The following L3MBTL4 variants were observed in gnomAD, a reference collection of about 807,000 sequenced individuals.
L3MBTL4 encodes the protein L3MBTL histone methyl-lysine binding protein 4.
A neutral mutation model predicts 84.5 loss-of-function variants in L3MBTL4; 70 were observed. The ratio of observed to expected loss-of-function variants is 0.83; its 90% CI spans 0.68 to 1.01. The LOEUF (loss-of-function observed/expected upper bound fraction) is 1.01. Ranked by LOEUF, L3MBTL4 falls within the 50% of genes least tolerant of loss-of-function variation. The pLI is 0.00. For missense variants in L3MBTL4, 715 were observed against 754.8 expected (o/e 0.95, Z 0.62); for synonymous variants, 274 against 259.8 (o/e 1.05, Z -0.52).
rs2059990831 is a variant in L3MBTL4, at chr18:6,135,038, G to A, written c.1199+3156C>T. 6.6e-5 allele frequency among the ~76,000 whole-genome samples: 10 copies of A among 152,258 alleles called. No individual in the cohort carries two copies. The South Asian group carries it at 1.2e-3, about 19-fold the overall frequency. ...TCCATACATCTTCTTAAATCTAGGC[G>A]GAGGTTCCCAAACCTCAATCTTGAC... On this transcript the variant is annotated intron_variant, in intron 14 of 18. Coordinates refer to ENST00000317931, the MANE Select transcript of L3MBTL4 (RefSeq NM_001330559.2).
At chr18:6,008,285 C>T (rs556798355) in intron 16 of L3MBTL4, among the ~76,000 whole-genome samples, 2 of 152,260 alleles carry the variant, frequency 1.3e-5, no homozygotes, top group Admixed American at 6.5e-5. Flanking sequence ...GCTGTGACCT[C>T]GGCCTTGGCT....
At chr18:6,040,597 A>G (rs544170510) in intron 16 of L3MBTL4, among the ~76,000 whole-genome samples, 1 of 152,364 alleles carries the variant, frequency 6.6e-6, no homozygotes, top group African/African-American at 2.4e-5. Flanking sequence ...AGTGTGGGTG[A>G]TAGACAAGTA....
At chr18:6,137,573 T>A (rs2060061103) in intron 14 of L3MBTL4, among the ~76,000 whole-genome samples, 1 of 152,030 alleles carries the variant, frequency 6.6e-6, no homozygotes, top group Non-Finnish European at 1.5e-5. Context: ...ATTCTTTCAG[T>A]CTTAATTTAT....
Position 5,969,532 on chromosome 18 carries a change from A to C in L3MBTL4, c.1475T>G (p.Leu492Arg), listed in dbSNP as rs371317063. The change falls in exon 17 of 19, where the codon CTT becomes CGT. Residue 492 changes from leucine to arginine, a missense_variant. Leu to Arg is a moderately radical substitution (Grantham distance 102). Transcript: ENST00000317931. ...CGTGGACATGGACACTGACTGGTGA[A>C]GCACCTGCTGCGCCTGCTCCACCGA... ...EYSVEQAQQVLHQSVSMSTVS... is the reference protein window; with the variant it reads ...EYSVEQAQQVRHQSVSMSTVS... The C allele has an allele frequency of 7.4e-6, 12 of 1,612,008 alleles. No individual in the cohort carries two copies. Among genetic ancestry groups the C allele is most frequent in the African/African-American group, 1.3e-5 (1 of 74,894 alleles).
chr18:6,294,864 C>T (rs760354614), intron 4 of L3MBTL4, among the ~76,000 whole-genome samples: 1 of 152,050 alleles, frequency 6.6e-6, no homozygotes. Flanking sequence ...GGCATGAAGG[C>T]GTTAATAATC....
chr18:6,084,894 C>T (rs513500), intron 15 of L3MBTL4, among the ~76,000 whole-genome samples: 3 of 152,004 alleles, frequency 2.0e-5, no homozygotes, highest in Non-Finnish European at 4.4e-5. Flanking sequence ...AGGTGGAGGG[C>T]GAGTGTGGGT....
rs184130180 is a variant in L3MBTL4 at position 6,235,588 on chromosome 18, C to T, written c.784+2376G>A. ...GAAAGAAGCTAGATACAAAAGGTCA[C>T]ATATTGTATGATTCCTTTCATGTAA... On this transcript the variant is annotated intron_variant, in intron 10 of 18. Coordinates refer to ENST00000317931, the MANE Select transcript of L3MBTL4 (RefSeq NM_001330559.2). Among the ~76,000 whole-genome samples, 442 of 152,254 alleles carry T rather than the reference C, an allele frequency of 2.9e-3. 1 individual carries two copies. The highest frequency in any genetic ancestry group is 0.014 in the Middle Eastern group (4 of 294).
At chr18:6,044,548 T>G (rs2056535792) in intron 16 of L3MBTL4, among the ~76,000 whole-genome samples, 2 of 152,196 alleles carry the variant, frequency 1.3e-5, no homozygotes, top group African/African-American at 4.8e-5. Flanking sequence ...GAGGTGTTGG[T>G]GCCAGTAGCC....
chr18:6,050,456 A>G (rs1224520606), intron 16 of L3MBTL4, among the ~76,000 whole-genome samples: 1 of 152,186 alleles, frequency 6.6e-6, no homozygotes, highest in Non-Finnish European at 1.5e-5. Context: ...TAATAAATTC[A>G]CTGTGTAATT....
intron 10 of L3MBTL4, among the ~76,000 whole-genome samples, chr18:6,217,292 C>T (rs2046366159): frequency 6.6e-6 from 1 of 152,156 alleles, no homozygotes; most frequent in African/African-American, 2.4e-5. Flanking sequence ...CACCATACCA[C>T]CCTCCTCAAA....
chr18:5,968,651 C>T (rs1028506021), intron 17 of L3MBTL4, among the ~76,000 whole-genome samples: 1 of 151,948 alleles, frequency 6.6e-6, no homozygotes, highest in African/African-American at 2.4e-5. Context: ...GAGCTATGAT[C>T]ATGCCACTAC....
intron 16 of L3MBTL4, among the ~76,000 whole-genome samples, chr18:5,990,340 G>A (rs1309521926): frequency 6.6e-6 from 1 of 152,170 alleles, no homozygotes; most frequent in Non-Finnish European, 1.5e-5. Flanking sequence ...TTAACTCAAA[G>A]AAATCTATGT....
At chr18:6,159,986 A>G (rs2043255588) in intron 13 of L3MBTL4, among the ~76,000 whole-genome samples, 1 of 152,194 alleles carries the variant, frequency 6.6e-6, no homozygotes, top group Admixed American at 6.5e-5. Flanking sequence ...TTTCTGAAAG[A>G]GTGTTTAAAA....
Position 6,035,118 on chromosome 18 carries a change from A to G in L3MBTL4, c.1444+45763T>C, listed in dbSNP as rs1382835067. Among the ~76,000 whole-genome samples the G allele has an allele frequency of 2.0e-5, 3 of 150,458 alleles. 1 individual carries two copies. Among genetic ancestry groups the G allele is most frequent in the East Asian group, 3.9e-4 (2 of 5,152 alleles). ...TGGGTTGCCTGTTCACTCTGATGGT[A>G]GTTTCTTTTGCTGTGCAGAAGCTCT... is the stretch of plus-strand genomic sequence containing the variant. On this transcript the variant is annotated intron_variant, in intron 16 of 18. Coordinates refer to ENST00000317931, the MANE Select transcript of L3MBTL4 (RefSeq NM_001330559.2).
At chr18:6,333,561 G>A (rs1342777054) in intron 1 of L3MBTL4, among the ~76,000 whole-genome samples, 1 of 145,934 alleles carries the variant, frequency 6.9e-6, no homozygotes, top group African/African-American at 2.6e-5. Context: ...GCGACAAAGT[G>A]AGACTCCATC....
intron 17 of L3MBTL4, among the ~76,000 whole-genome samples, chr18:5,966,735 C>A (rs2052371091): frequency 1.3e-5 from 2 of 151,694 alleles, no homozygotes; most frequent in South Asian, 4.2e-4. Context: ...GGACTTTGCC[C>A]CAAATTTCAC....
chr18:6,242,013 A>T (rs1403115540), intron 7 of L3MBTL4, among the ~76,000 whole-genome samples: 1 of 152,010 alleles, frequency 6.6e-6, no homozygotes, highest in Non-Finnish European at 1.5e-5. Flanking sequence ...CCCATTAAAA[A>T]CTGCTGCATC....
At position 6,068,377 on chromosome 18, in the gene L3MBTL4, A is replaced by C. The variant is rs1316713847; in HGVS notation, c.1444+12504T>G. Among the ~76,000 whole-genome samples the C allele has an allele frequency of 1.3e-5, 2 of 152,198 alleles. 1 individual carries two copies. Among genetic ancestry groups the C allele is most frequent in the Admixed American group, 1.3e-4 (2 of 15,280 alleles). ...TGGGCAGAGGTCCCAGCCTTGATGAAGGTGCCTGGGGGAGCTCTAAATTAA... is the reference window on the plus strand; with the variant it reads ...TGGGCAGAGGTCCCAGCCTTGATGACGGTGCCTGGGGGAGCTCTAAATTAA... On this transcript the variant is annotated intron_variant, in intron 16 of 18. Coordinates refer to ENST00000317931, the MANE Select transcript of L3MBTL4 (RefSeq NM_001330559.2).
chr18:6,071,928 G>A (rs374994568), intron 16 of L3MBTL4, among the ~76,000 whole-genome samples: 8 of 152,028 alleles, frequency 5.3e-5, no homozygotes, highest in Admixed American at 1.3e-4. Context: ...AAAATCACAC[G>A]CCACTTGGAA....
Sources: allele counts gnomAD v4.1 joint callset (sites outside exome capture counted in the v4.1 genomes callset), GRCh38; gene constraint gnomAD v4.1.1; transcripts MANE v1.5; gene names NCBI Gene and HGNC (gene_info 2026-07-23, HGNC 2026-07-21).